Variants in UBA52 observed in about 807,000 individuals in gnomAD.
UBA52 encodes ubiquitin A-52 residue ribosomal protein fusion product 1.
Under a neutral mutation model 15.3 loss-of-function variants are expected in UBA52, and 1 was observed. The observed-to-expected ratio is 0.07, with a 90% CI of 0.02 to 0.31. The LOEUF (loss-of-function observed/expected upper bound fraction) is 0.31. Among genes scored for constraint, UBA52 ranks in the 10% least tolerant of loss-of-function variants. The probability of loss-of-function intolerance (pLI) is 1.00; values close to 1 mark genes in which losing one functional copy is unlikely to be tolerated. For synonymous variants in UBA52, 50 were observed against 58.3 expected, an observed-to-expected ratio of 0.86 and a Z score of 0.65; for missense variants, 87 against 168.0, an observed-to-expected ratio of 0.52 and a Z score of 2.66.
chr19:18,570,198 C>CTTTTTTTT (rs55896114), upstream of UBA52, among the ~76,000 whole-genome samples: 3 of 148,162 alleles, frequency 2.0e-5, no homozygotes, highest in Non-Finnish European at 3.0e-5. Flanking sequence ...GTACTCAGCA[C>CTTTTTTTT]TTTTTTTTTT....
chr19:18,571,855 ATCT>A (rs1324413108), exon 1 of UBA52: 1 of 152,534 alleles, frequency 6.6e-6, no homozygotes, highest in Non-Finnish European at 1.5e-5. Context: ...CGGTTCCGCT[ATCT>A]TCTTTTTCTT....
In UBA52 at chr19:18,576,143, TAAG is replaced by T. The variant is rs891998536; in HGVS notation, c.*997_*999del. 1 of 152,194 alleles carries T rather than the reference TAAG, an allele frequency of 6.6e-6. No homozygotes were observed. Among genetic ancestry groups the T allele is most frequent in the Non-Finnish European group, 1.5e-5 (1 of 68,122 alleles). The allele number at this position is 152,194 out of a possible 1,614,324, so 9.4% of individuals were successfully genotyped here. On this transcript the variant is annotated 3_prime_UTR_variant, in exon 5 of 5. Transcript: ENST00000442744. ...TACCCTCTCCTATGATAATCACTCT[TAAG>T]AAGGGCAACCCTTGGTGTTTTCCCC... is the stretch of plus-strand genomic sequence containing the variant.
upstream of UBA52, chr19:18,568,781 G>T (rs1600602537): frequency 1.6e-6 from 1 of 621,606 alleles, no homozygotes; most frequent in Non-Finnish European, 2.8e-6. Flanking sequence ...CTCCCGAGGG[G>T]TGTGGAATTC....
Position 18,573,652 on chromosome 19 carries a change from T to C in UBA52, c.104-10T>C. On this transcript the variant is annotated splice_polypyrimidine_tract_variant and intron_variant, in intron 2 of 4. Coordinates refer to ENST00000442744, the MANE Select transcript of UBA52 (RefSeq NM_001033930.3). ...CGCAGAGCCTCTAACTGAGCCTCCC[T>C]CCCCCTCAGGTATCCCACCTGACCA... is the stretch of plus-strand genomic sequence containing the variant. The C allele has an allele frequency of 6.2e-7, 1 of 1,613,070 alleles. No individual in the cohort carries two copies. The highest frequency in any genetic ancestry group is 8.5e-7 in the Non-Finnish European group (1 of 1,179,310).
the UBA52 span, among the ~76,000 whole-genome samples, chr19:18,563,942 AG>A: frequency 6.6e-6 from 1 of 151,920 alleles, no homozygotes; most frequent in Non-Finnish European, 1.5e-5. Flanking sequence ...GCTGGAGTGC[AG>A]TGGCGCAATC....
the UBA52 span, chr19:18,565,183 A>G: frequency 3.5e-6 from 5 of 1,412,512 alleles, no homozygotes; most frequent in Non-Finnish European, 4.6e-6. Flanking sequence ...CTGGGATAAA[A>G]TCTTGACGTA....
At chr19:18,567,511 C>T (rs1379150630), upstream of UBA52, among the ~76,000 whole-genome samples, 2 of 152,216 alleles carry the variant, frequency 1.3e-5, no homozygotes, top group African/African-American at 2.4e-5. Context: ...ATCGTCTCGC[C>T]TTCCCTGAGC....
chr19:18,572,839 A>G, intron 1 of UBA52: 1 of 1,027,274 alleles, frequency 9.7e-7, no homozygotes, highest in South Asian at 3.5e-5. Context: ...TGTGTGTTGT[A>G]GGGGATGGCT....
chr19:18,567,114 G>A (rs756443667), upstream of UBA52: 2 of 1,613,716 alleles, frequency 1.2e-6, no homozygotes, highest in Non-Finnish European at 1.7e-6. Flanking sequence ...AGCCCTGTGT[G>A]CCTTCTCTCC....
chr19:18,565,195 G>A, the UBA52 span: 4 of 1,345,616 alleles, frequency 3.0e-6, no homozygotes, highest in Admixed American at 6.0e-5. Flanking sequence ...CTTGACGTAA[G>A]TTTATTTACT....
chr19:18,572,783 GC>G, intron 1 of UBA52: 1 of 1,003,394 alleles, frequency 1.0e-6, no homozygotes, highest in Admixed American at 5.2e-5. Context: ...AGTGTTGGGT[GC>G]TCCAGCTTGG....
intron 1 of UBA52, 95 bp from the exon 2 acceptor site, chr19:18,573,198 G>C: frequency 7.8e-7 from 1 of 1,285,342 alleles, no homozygotes; most frequent in Non-Finnish European, 1.1e-6. Flanking sequence ...ACTTGGTGCA[G>C]GCAAAGGGAT....
intron 3 of UBA52, 50 bp from the exon 4 acceptor site, chr19:18,574,820 G>A: frequency 6.2e-7 from 1 of 1,604,746 alleles, no homozygotes; most frequent in Non-Finnish European, 8.5e-7. Context: ...CCCTGTGACT[G>A]AGGAGCCAGG....
At chr19:18,569,619 C>A (rs1975414342), upstream of UBA52, among the ~76,000 whole-genome samples, 1 of 151,692 alleles carries the variant, frequency 6.6e-6, no homozygotes, top group Non-Finnish European at 1.5e-5. Flanking sequence ...CTAGTGTTCC[C>A]ATCCTCATTT....
chr19:18,568,588 A>G (rs1600601613), upstream of UBA52: 1 of 1,613,126 alleles, frequency 6.2e-7, no homozygotes, highest in Non-Finnish European at 8.5e-7. Context: ...CCAGCCATCA[A>G]CGGCCGCAGC....
At chr19:18,574,811 C>A in intron 3 of UBA52, 59 bp from the exon 4 acceptor site, 1 of 1,599,894 alleles carries the variant, frequency 6.3e-7, no homozygotes. Context: ...GGGTCCTGCC[C>A]CTGTGACTGA....
At chr19:18,574,789 A>G (rs952900887) in intron 3 of UBA52, 81 bp from the exon 4 acceptor site, 5 of 1,547,378 alleles carry the variant, frequency 3.2e-6, no homozygotes, top group African/African-American at 2.7e-5. Context: ...GCAGCAGACT[A>G]TAGGCCCTGG....
At chr19:18,573,925 T>G (rs1600621904) in intron 3 of UBA52, 177 bp downstream of exon 3, 1 of 605,362 alleles carries the variant, frequency 1.7e-6, no homozygotes, top group Non-Finnish European at 2.8e-6. Context: ...CTTAGGCGGG[T>G]GGATCACCTG....
At chr19:18,572,722 GGCAA>G in intron 1 of UBA52, 1 of 937,262 alleles carries the variant, frequency 1.1e-6, no homozygotes, top group Non-Finnish European at 1.3e-6. Flanking sequence ...TTGGGGTCAA[GGCAA>G]GAAGTGGGGT....
Sources: gnomAD v4.1 joint callset for allele counts (sites outside exome capture counted in the v4.1 genomes callset) on GRCh38, gnomAD v4.1.1 for gene constraint, MANE v1.5 for transcripts, NCBI Gene and HGNC (gene_info 2026-07-23, HGNC 2026-07-21) for gene names.